The following KCNN2 variants were observed in gnomAD, a reference collection of about 807,000 sequenced individuals.
KCNN2 encodes the protein potassium calcium-activated channel subfamily N member 2, also known as small conductance calcium-activated potassium channel protein 2.
Under a neutral mutation model 55.5 loss-of-function variants are expected in KCNN2, and 24 were observed. The ratio of observed to expected loss-of-function variants is 0.43; its 90% CI spans 0.31 to 0.61. KCNN2 has a LOEUF of 0.61. Among genes scored for constraint, KCNN2 ranks in the 20% least tolerant of loss-of-function variants. The pLI is 0.08. For synonymous variants in KCNN2, 431 were observed against 336.1 expected, an observed-to-expected ratio of 1.28 and a Z score of -3.09; for missense variants, 754 against 853.6, an observed-to-expected ratio of 0.88 and a Z score of 1.45.
chr5:114,218,660 T>C (rs981050251), intron 1 of KCNN2, among the ~76,000 whole-genome samples: 9 of 152,206 alleles, frequency 5.9e-5, no homozygotes, highest in African/African-American at 2.2e-4. Flanking sequence ...TGGGCATATG[T>C]CATTATACGT....
intron 1 of KCNN2, among the ~76,000 whole-genome samples, chr5:114,133,292 T>G (rs1394489201): frequency 6.6e-6 from 1 of 152,188 alleles, no homozygotes; most frequent in African/African-American, 2.4e-5. Context: ...GTCCAAGGAA[T>G]TTAATTTTTA....
intron 3 of KCNN2, among the ~76,000 whole-genome samples, chr5:114,462,560 G>T (rs554873904): frequency 9.9e-5 from 15 of 152,242 alleles, no homozygotes; most frequent in African/African-American, 2.4e-4. Context: ...GACAGAAAAG[G>T]CTCCCACTTG....
rs371505709 is a variant in KCNN2 at position 114,380,432 on chromosome 5, A to C, written c.1218+16431A>C. 8.5e-5 allele frequency among the ~76,000 whole-genome samples: 13 copies of C among 152,310 alleles called. No individual in the cohort carries two copies. In the East Asian group the frequency reaches 2.3e-3, roughly 27 times the overall value. On this transcript the variant is annotated intron_variant, in intron 2 of 7. Coordinates refer to ENST00000673685, the MANE Select transcript of KCNN2 (RefSeq NM_021614.4). ...TGTAGATTCCTGCAGTTCAATACAG[A>C]GCTACAGAGCATCAAAGAGAAAGGG...
chr5:114,234,741 C>T (rs535241721), intron 2 of KCNN2, among the ~76,000 whole-genome samples: 124 of 152,120 alleles, frequency 8.2e-4, no homozygotes, highest in Non-Finnish European at 1.6e-3. Context: ...TGCTTACTCT[C>T]GGGGAAACAT....
At chr5:114,312,386 TACACACACACACAC>T (rs70976336) in intron 2 of KCNN2, among the ~76,000 whole-genome samples, 920 of 51,042 alleles carry the variant, frequency 0.018, 23 homozygotes, top group Middle Eastern at 0.11. Context: ...AAAAAGGAGA[TACACACACACACAC>T]ACACACACAC....
intron 1 of KCNN2, among the ~76,000 whole-genome samples, chr5:114,132,290 CTTGAG>C (rs1013974484): frequency 6.6e-6 from 1 of 152,074 alleles, no homozygotes; most frequent in African/African-American, 2.4e-5. Context: ...TTTAATCCCT[CTTGAG>C]TTAATTTTTG....
At chr5:114,164,292 G>C (rs1158657717) in intron 1 of KCNN2, among the ~76,000 whole-genome samples, 1 of 152,154 alleles carries the variant, frequency 6.6e-6, no homozygotes, top group Non-Finnish European at 1.5e-5. Context: ...TTGTACCAGG[G>C]AGTGTTAAGA....
chr5:114,369,754 T>A (rs1299541966), intron 2 of KCNN2, among the ~76,000 whole-genome samples: 1 of 152,148 alleles, frequency 6.6e-6, no homozygotes, highest in Non-Finnish European at 1.5e-5. Context: ...TATTAATGGG[T>A]GTAACGCTAA....
intron 3 of KCNN2, among the ~76,000 whole-genome samples, chr5:114,458,974 G>A (rs1420843848): frequency 1.3e-5 from 2 of 152,196 alleles, no homozygotes; most frequent in African/African-American, 4.8e-5. Context: ...CAGGCCAGAG[G>A]CCATCACTCT....
intron 1 of KCNN2, among the ~76,000 whole-genome samples, chr5:114,187,144 G>T (rs1326649165): frequency 1.3e-5 from 2 of 152,146 alleles, no homozygotes; most frequent in Admixed American, 6.5e-5. Flanking sequence ...TATCCTAAAT[G>T]ACTGGTTAAG....
At chr5:114,254,095 CA>C (rs1317959297) in intron 2 of KCNN2, among the ~76,000 whole-genome samples, 1 of 151,848 alleles carries the variant, frequency 6.6e-6, no homozygotes, top group African/African-American at 2.4e-5. Flanking sequence ...GATTCACTGA[CA>C]AAAAACATTT....
chr5:114,061,780 G>T (rs957018791), intron 1 of KCNN2, among the ~76,000 whole-genome samples: 1 of 152,170 alleles, frequency 6.6e-6, no homozygotes, highest in African/African-American at 2.4e-5. Context: ...GACCATGATG[G>T]TTTCCCTGGG....
chr5:114,468,667 C>T (rs912432662), intron 4 of KCNN2, among the ~76,000 whole-genome samples: 8 of 152,108 alleles, frequency 5.3e-5, no homozygotes, highest in African/African-American at 1.9e-4. Context: ...TGTTTTTTAT[C>T]AGAGCCATTC....
At chr5:114,449,172 C>T (rs1760541215) in intron 3 of KCNN2, among the ~76,000 whole-genome samples, 1 of 152,170 alleles carries the variant, frequency 6.6e-6, no homozygotes, top group Non-Finnish European at 1.5e-5. Flanking sequence ...TGTACCCTCA[C>T]CCTATGTTGC....
chr5:114,232,125 T>A (rs1299707960), intron 2 of KCNN2, among the ~76,000 whole-genome samples: 2 of 151,080 alleles, frequency 1.3e-5, no homozygotes, highest in Non-Finnish European at 2.9e-5. Context: ...GGCCTGAGAA[T>A]CTGTGACTTG....
intron 2 of KCNN2, among the ~76,000 whole-genome samples, chr5:114,368,257 C>G (rs146670141): frequency 3.4e-4 from 51 of 152,236 alleles, no homozygotes; most frequent in Middle Eastern, 3.4e-3. Context: ...TACCAAGGGA[C>G]AACTGTAATT....
Position 114,362,420 on chromosome 5 carries a change from C to T in KCNN2, c.281C>T (p.Ser94Leu). ...CTGTCCCTGCTGCTCCGCACCTCCTCGCCCGGCGGCGCCTTCCGGACCCGC... is the reference window on the plus strand; with the variant it reads ...CTGTCCCTGCTGCTCCGCACCTCCTTGCCCGGCGGCGCCTTCCGGACCCGC... ...DNLSLLLRTS[S>L]PGGAFRTRTS... Residue 94 changes from serine (S) to leucine (L), a missense_variant, in exon 1 of 8, where the codon TCG (serine) becomes TTG (leucine). Ser to Leu is a moderately radical substitution (Grantham distance 145). Transcript: ENST00000673685. 3.0e-6 allele frequency: 1 copy of T among 338,730 alleles called. No individual in the cohort carries two copies. Among genetic ancestry groups the T allele is most frequent in the East Asian group, 5.9e-5 (1 of 17,090 alleles). The allele number at this position is 338,730 out of a possible 1,614,324, so 21.0% of individuals were successfully genotyped here.
At chr5:114,337,023 A>AT (rs574502396) in intron 2 of KCNN2, among the ~76,000 whole-genome samples, 5 of 152,230 alleles carry the variant, frequency 3.3e-5, no homozygotes, top group East Asian at 1.9e-4. Context: ...GATTTTTGAT[A>AT]TTTTTTTAAA....
intron 5 of KCNN2, among the ~76,000 whole-genome samples, chr5:114,483,963 G>A (rs1762342328): frequency 6.6e-6 from 1 of 152,066 alleles, no homozygotes; most frequent in Non-Finnish European, 1.5e-5. Flanking sequence ...TTTGTAAGTG[G>A]AAATGCATTG....
Sources: allele counts gnomAD v4.1 joint callset (sites outside exome capture counted in the v4.1 genomes callset), GRCh38; gene constraint gnomAD v4.1.1; transcripts MANE v1.5; gene names NCBI Gene and HGNC (gene_info 2026-07-23, HGNC 2026-07-21).